The following KHDRBS2 variants were observed in gnomAD, a reference collection of about 807,000 sequenced individuals.
KHDRBS2 encodes the protein KH RNA binding domain containing, signal transduction associated 2.
A neutral mutation model predicts 44.3 loss-of-function variants in KHDRBS2; 26 were observed. That is an observed-to-expected ratio of 0.59 (90% CI 0.43 to 0.81). KHDRBS2 has a LOEUF of 0.81. Ranked by LOEUF, KHDRBS2 falls within the 40% of genes least tolerant of loss-of-function variation. KHDRBS2 has a pLI of 0.00. For synonymous variants in KHDRBS2, 194 were observed against 151.1 expected (o/e 1.28, Z -2.08); for missense variants, 476 against 433.1 (o/e 1.10, Z -0.88).
chr6:62,120,984 G>T (rs571044781), intron 2 of KHDRBS2, among the ~76,000 whole-genome samples: 1 of 152,174 alleles, frequency 6.6e-6, no homozygotes, highest in African/African-American at 2.4e-5. Flanking sequence ...GATCTGAGTT[G>T]ATGTTCATTC....
chr6:62,283,618 T>C (rs1842091770), intron 1 of KHDRBS2, among the ~76,000 whole-genome samples: 2 of 152,126 alleles, frequency 1.3e-5, no homozygotes, highest in African/African-American at 2.4e-5. Context: ...CTTCAATCAG[T>C]GCATTCTCAG....
the KHDRBS2 span, among the ~76,000 whole-genome samples, chr6:61,634,865 C>T: frequency 1.3e-5 from 2 of 152,124 alleles, no homozygotes; most frequent in South Asian, 4.1e-4. Flanking sequence ...GATAAATGAA[C>T]AACATCTGGC....
chr6:61,672,658 C>G, the KHDRBS2 span, among the ~76,000 whole-genome samples: 1 of 152,074 alleles, frequency 6.6e-6, no homozygotes, highest in Non-Finnish European at 1.5e-5. Flanking sequence ...TGAGAAGTGT[C>G]TGTTCATGTC....
At chr6:61,601,158 C>T in the KHDRBS2 span, among the ~76,000 whole-genome samples, 4 of 152,076 alleles carry the variant, frequency 2.6e-5, no homozygotes, top group East Asian at 5.8e-4. Flanking sequence ...GGGCTGCTCA[C>T]CCAACCCTTT....
chr6:61,937,158 G>A (rs924607624), intron 4 of KHDRBS2, among the ~76,000 whole-genome samples: 2 of 151,794 alleles, frequency 1.3e-5, no homozygotes, highest in African/African-American at 4.8e-5. Flanking sequence ...TTTGGCATAT[G>A]AATATTATTC....
chr6:62,049,353 G>A (rs1057155407), intron 2 of KHDRBS2, among the ~76,000 whole-genome samples: 15 of 151,798 alleles, frequency 9.9e-5, no homozygotes, highest in African/African-American at 2.9e-4. Context: ...TCTTTCACAC[G>A]TAGGCAAACC....
chr6:62,104,088 A>G (rs557986140), intron 2 of KHDRBS2, among the ~76,000 whole-genome samples: 25 of 152,208 alleles, frequency 1.6e-4, no homozygotes, highest in Admixed American at 7.9e-4. Flanking sequence ...TATTGCTTAA[A>G]TTACTTTAAA....
intron 8 of KHDRBS2, among the ~76,000 whole-genome samples, chr6:61,691,864 T>C (rs1374645932): frequency 6.6e-6 from 1 of 152,140 alleles, no homozygotes; most frequent in African/African-American, 2.4e-5. Context: ...AGTGAGGCAC[T>C]CAAATGCCCT....
chr6:61,646,452 G>A, the KHDRBS2 span, among the ~76,000 whole-genome samples: 4 of 152,040 alleles, frequency 2.6e-5, no homozygotes, highest in African/African-American at 9.7e-5. Context: ...CTTCTGTGTT[G>A]CTTTTTGTCA....
intron 3 of KHDRBS2, among the ~76,000 whole-genome samples, chr6:62,018,299 ATGTGTGTGTGTGTGTG>A (rs57360690): frequency 0.66 from 96,629 of 146,138 alleles, 33,683 homozygotes; most frequent in East Asian, 0.8. Flanking sequence ...ATATATATAT[ATGTGTGTGTGTGTGTG>A]TGTGTGTGTG....
chr6:61,811,441 AT>A (rs1788098984), intron 6 of KHDRBS2, among the ~76,000 whole-genome samples: 1 of 152,072 alleles, frequency 6.6e-6, no homozygotes, highest in Non-Finnish European at 1.5e-5. Flanking sequence ...AGGTAGAATG[AT>A]TTATTTTCCT....
In KHDRBS2 at chr6:61,901,377, GAA is replaced by G. The variant is rs761894601; in HGVS notation, c.484-8_484-7del. 1 of 1,603,562 alleles carries G rather than the reference GAA, an allele frequency of 6.2e-7. No individual in the cohort carries two copies. The highest frequency in any genetic ancestry group is 8.5e-7 in the Non-Finnish European group (1 of 1,175,624). On this transcript the variant is annotated splice_polypyrimidine_tract_variant and splice_region_variant and intron_variant, in intron 4 of 8. Coordinates refer to ENST00000281156, the MANE Select transcript of KHDRBS2 (RefSeq NM_152688.4). Reference sequence around the variant, plus strand: ...CGAATTTCATCATTGTAGTCCTGGAGAAAAAACATGATGTGATGAGTTAAAAA... The same window carrying G: ...CGAATTTCATCATTGTAGTCCTGGAGAAAACATGATGTGATGAGTTAAAAA...
intron 6 of KHDRBS2, among the ~76,000 whole-genome samples, chr6:61,754,283 A>T (rs1263745548): frequency 1.3e-5 from 2 of 152,172 alleles, no homozygotes; most frequent in Admixed American, 6.5e-5. Context: ...GACCACAAAA[A>T]AATGGAGCAA....
rs567939565 is a variant in KHDRBS2, at chr6:62,061,336, G to A, written c.220-13342C>T. On this transcript the variant is annotated intron_variant, in intron 2 of 8. Transcript: ENST00000281156. ...CCGGTTGTTCCTTTCCATGTTCAGC[G>A]CTTCCTTCAGGAGCTCTTTTAGGGC... 8.5e-4 allele frequency among the ~76,000 whole-genome samples: 129 copies of A among 151,686 alleles called. 2 individuals are homozygous for A. Among genetic ancestry groups the A allele is most frequent in the African/African-American group, 2.4e-3 (101 of 41,428 alleles).
intron 3 of KHDRBS2, among the ~76,000 whole-genome samples, chr6:62,029,234 C>A (rs1187953793): frequency 2.9e-4 from 44 of 151,692 alleles, no homozygotes; most frequent in Admixed American, 2.5e-3. Context: ...ATGTTAGTAA[C>A]AGTTGCAAGA....
chr6:62,069,849 A>C (rs184815259), intron 2 of KHDRBS2, among the ~76,000 whole-genome samples: 138 of 151,838 alleles, frequency 9.1e-4, no homozygotes, highest in African/African-American at 3.2e-3. Flanking sequence ...TATGTGAGTA[A>C]ATTTTAACTT....
chr6:62,262,435 C>T (rs1017145153), intron 1 of KHDRBS2, among the ~76,000 whole-genome samples: 1 of 151,746 alleles, frequency 6.6e-6, no homozygotes. Flanking sequence ...TCAGCCAAAC[C>T]ATTTGAGGTT....
the KHDRBS2 span, among the ~76,000 whole-genome samples, chr6:61,603,174 A>C: frequency 6.0e-4 from 92 of 152,118 alleles, no homozygotes; most frequent in African/African-American, 2.1e-3. Flanking sequence ...AAGCCTATAA[A>C]CTCTCCTTAC....
At chr6:62,110,552 T>C (rs1397952230) in intron 2 of KHDRBS2, among the ~76,000 whole-genome samples, 1 of 152,056 alleles carries the variant, frequency 6.6e-6, no homozygotes, top group Non-Finnish European at 1.5e-5. Context: ...CATGGATAAA[T>C]ATTCAAATAA....
Sources: gnomAD v4.1 joint callset for allele counts (sites outside exome capture counted in the v4.1 genomes callset) on GRCh38, gnomAD v4.1.1 for gene constraint, MANE v1.5 for transcripts, NCBI Gene and HGNC (gene_info 2026-07-23, HGNC 2026-07-21) for gene names.